The following DNAAF4 variants were observed in gnomAD, a reference collection of about 807,000 sequenced individuals.
DNAAF4 encodes dynein assembly factor 4, axonemal.
DNAAF4 carries 43 observed loss-of-function variants against 51.8 expected under a neutral mutation model. The ratio of observed to expected loss-of-function variants is 0.83; its 90% confidence interval spans 0.65 to 1.07. DNAAF4 has a LOEUF of 1.07. Ranked by LOEUF, DNAAF4 falls within the 50% of genes least tolerant of loss-of-function variation. DNAAF4 has a pLI of 0.00. For missense variants in DNAAF4, 581 were observed against 493.0 expected (o/e 1.18, Z -1.69); for synonymous variants, 194 against 165.6 (o/e 1.17, Z -1.32).
intron 4 of DNAAF4, among the ~76,000 whole-genome samples, chr15:55,469,693 T>C (rs1377909368): frequency 6.6e-6 from 1 of 151,784 alleles, no homozygotes; most frequent in Non-Finnish European, 1.5e-5. Context: ...GGTTTCACTG[T>C]GTTAGCCAGG....
At chr15:55,444,291 T>G (rs1296983912) in intron 6 of DNAAF4, among the ~76,000 whole-genome samples, 10 of 152,254 alleles carry the variant, frequency 6.6e-5, no homozygotes, top group Non-Finnish European at 1.0e-4. Context: ...TACCATTTAT[T>G]AAATAGGGAA....
chr15:55,433,238 T>A (rs1250301419), intron 8 of DNAAF4, among the ~76,000 whole-genome samples: 2 of 152,024 alleles, frequency 1.3e-5, no homozygotes, highest in Non-Finnish European at 2.9e-5. Context: ...AGGCAGGGGT[T>A]GCAATAAGCC....
intron 4 of DNAAF4, among the ~76,000 whole-genome samples, chr15:55,473,202 T>TAA (rs1567023307): frequency 3.5e-5 from 2 of 56,996 alleles, no homozygotes; most frequent in East Asian, 2.2e-3. Flanking sequence ...AAAAAAAATA[T>TAA]ATATATATAT....
At chr15:55,469,066 C>T (rs1209701586) in intron 4 of DNAAF4, among the ~76,000 whole-genome samples, 1 of 152,054 alleles carries the variant, frequency 6.6e-6, no homozygotes, top group Non-Finnish European at 1.5e-5. Context: ...CGCGGTGGCT[C>T]ACGCCTGAAA....
At chr15:55,463,170 TCTCA>T (rs1197952240) in intron 5 of DNAAF4, among the ~76,000 whole-genome samples, 1,313 of 120,072 alleles carry the variant, frequency 0.011, 26 homozygotes, top group African/African-American at 0.036. Context: ...TGAGACTCTG[TCTCA>T]CACACACACA....
At chr15:55,479,769 C>T (rs569317844) in intron 4 of DNAAF4, among the ~76,000 whole-genome samples, 1 of 152,226 alleles carries the variant, frequency 6.6e-6, no homozygotes, top group East Asian at 1.9e-4. Flanking sequence ...GAATGTCTGT[C>T]TTGTGCAGTT....
intron 5 of DNAAF4, among the ~76,000 whole-genome samples, chr15:55,459,948 C>T (rs1020903203): frequency 7.2e-5 from 11 of 151,888 alleles, no homozygotes; most frequent in East Asian, 1.9e-4. Context: ...GTAATCTGCC[C>T]GCCTCGGCCT....
At chr15:55,428,564 G>A (rs577481424), downstream of DNAAF4, among the ~76,000 whole-genome samples, 166 of 130,230 alleles carry the variant, frequency 1.3e-3, no homozygotes, top group African/African-American at 4.7e-3. Flanking sequence ...GCACAATCTC[G>A]GCTCACTGCA....
chr15:55,491,199 C>T lies in DNAAF4; in HGVS notation c.329G>A (p.Arg110Lys), dbSNP rs1253196851. ...TTTTGCTTCTGTAGCTTCTTTTGCT[C>T]TCTCTTGTGCTTGTAAAATAGATTT... ...REKSILQAQE[R>K]AKEATEAKAA... The change falls in exon 4 of 10, where the codon AGA (arginine) becomes AAA (lysine). Residue 110 changes from arginine to lysine, a missense_variant. By Grantham distance (26) the Arg-to-Lys change is conservative (BLOSUM62 2). Transcript: ENST00000321149. The T allele has an allele frequency of 4.3e-6, 7 of 1,613,964 alleles. No homozygotes were observed. Among genetic ancestry groups the T allele is most frequent in the Admixed American group, 1.7e-5 (1 of 59,994 alleles).
chr15:55,448,933 G>GA (rs2057886728), intron 6 of DNAAF4, among the ~76,000 whole-genome samples: 1 of 150,724 alleles, frequency 6.6e-6, no homozygotes, highest in Non-Finnish European at 1.5e-5. Context: ...TACAAATATA[G>GA]AAAATACCTT....
At chr15:55,434,824 G>T in intron 8 of DNAAF4, 81 bp downstream of exon 8, 1 of 1,153,328 alleles carries the variant, frequency 8.7e-7, no homozygotes, top group Non-Finnish European at 1.2e-6. Context: ...TATTTCAACT[G>T]AACAGAAAAA....
intron 5 of DNAAF4, among the ~76,000 whole-genome samples, chr15:55,451,052 G>A (rs967408520): frequency 5.3e-5 from 8 of 152,158 alleles, no homozygotes; most frequent in South Asian, 2.1e-4. Context: ...AGCCGAGATC[G>A]TGCCATACAC....
intron 3 of DNAAF4, among the ~76,000 whole-genome samples, chr15:55,495,867 G>C (rs1042860460): frequency 3.3e-5 from 5 of 152,198 alleles, no homozygotes; most frequent in African/African-American, 9.6e-5. Flanking sequence ...TATGGAAGCT[G>C]ATCTTGGTAT....
At chr15:55,424,942 C>T (rs1292583529) in intron 7 of DNAAF4, among the ~76,000 whole-genome samples, 6 of 150,276 alleles carry the variant, frequency 4.0e-5, no homozygotes, top group Non-Finnish European at 3.0e-5. Context: ...CTCGGCTCAC[C>T]ACAACCGTCA....
At chr15:55,467,802 C>G (rs1481930391) in intron 4 of DNAAF4, among the ~76,000 whole-genome samples, 2 of 152,132 alleles carry the variant, frequency 1.3e-5, no homozygotes, top group Non-Finnish European at 2.9e-5. Flanking sequence ...TTTCAAAGAG[C>G]TAAATATCAG....
chr15:55,457,838 C>T (rs2058042351), intron 5 of DNAAF4, among the ~76,000 whole-genome samples: 1 of 152,188 alleles, frequency 6.6e-6, no homozygotes, highest in African/African-American at 2.4e-5. Context: ...TGCTGGTATC[C>T]ACGGCTGGGA....
chr15:55,457,569 T>C (rs2141479663), intron 5 of DNAAF4, among the ~76,000 whole-genome samples: 1 of 152,242 alleles, frequency 6.6e-6, no homozygotes, highest in East Asian at 1.9e-4. Flanking sequence ...TGGTGCCCTC[T>C]TGAAAGTGCC....
chr15:55,465,564 CTTTT>C (rs76254398), intron 5 of DNAAF4, among the ~76,000 whole-genome samples: 1 of 131,590 alleles, frequency 7.6e-6, no homozygotes. Flanking sequence ...TATGTTCTCA[CTTTT>C]TTTTTTTTTT....
intron 7 of DNAAF4, chr15:55,418,295 C>A (rs1182966834): frequency 6.5e-7 from 1 of 1,548,672 alleles, no homozygotes; most frequent in Non-Finnish European, 8.7e-7. Context: ...TTGTGTGAAC[C>A]CTGGCAATCC....
Sources: gnomAD v4.1 joint callset for allele counts (sites outside exome capture counted in the v4.1 genomes callset) on GRCh38, gnomAD v4.1.1 for gene constraint, MANE v1.5 for transcripts, NCBI Gene and HGNC (gene_info 2026-07-23, HGNC 2026-07-21) for gene names.